Variants in STRN3 observed in about 807,000 individuals in gnomAD.
STRN3 encodes the protein striatin-3.
A neutral mutation model predicts 95.6 loss-of-function variants in STRN3; 29 were observed. The ratio of observed to expected loss-of-function variants is 0.30; its 90% CI spans 0.23 to 0.41. The LOEUF is 0.41. Ranked by LOEUF, STRN3 falls within the 10% of genes least tolerant of loss-of-function variation. STRN3 has a pLI of 1.00. For missense variants in STRN3, 890 were observed against 972.1 expected, an observed-to-expected ratio of 0.92 and a Z score of 1.12; for synonymous variants, 331 against 357.6, an observed-to-expected ratio of 0.93 and a Z score of 0.84.
chr14:30,900,450 GGGCGGTGTGTGTGTGTGTTCAGGCACAGT>G, intron 16 of STRN3, among the ~76,000 whole-genome samples: 1 of 147,720 alleles, frequency 6.8e-6, no homozygotes, highest in East Asian at 2.0e-4. Context: ...GGGCGGGGGG[GGGCGGTGTGTGTGTGTGTTCAGGCACAGT>G]GGCTTACGCC....
chr14:30,928,007 T>C (rs548211805), intron 8 of STRN3, among the ~76,000 whole-genome samples: 22 of 151,616 alleles, frequency 1.5e-4, no homozygotes, highest in African/African-American at 5.1e-4. Flanking sequence ...TAGTCAATCA[T>C]GCAAATGTAC....
chr14:30,901,636 T>A (rs1225279592), intron 16 of STRN3, among the ~76,000 whole-genome samples: 1 of 152,180 alleles, frequency 6.6e-6, no homozygotes, highest in African/African-American at 2.4e-5. Flanking sequence ...CTGTCAGACC[T>A]TTCCTGAAAG....
intron 7 of STRN3, among the ~76,000 whole-genome samples, chr14:30,929,967 A>AAAAAAAAAAAAAAAACAAAAAAC (rs1555317336): frequency 1.1e-5 from 1 of 91,120 alleles, no homozygotes; most frequent in Non-Finnish European, 2.3e-5. Flanking sequence ...AAAAAAAAAA[A>AAAAAAAAAAAAAAAACAAAAAAC]AAAAAAAAAA....
chr14:30,937,649 A>G (rs1285900646), intron 5 of STRN3, among the ~76,000 whole-genome samples: 1 of 152,186 alleles, frequency 6.6e-6, no homozygotes, highest in African/African-American at 2.4e-5. Flanking sequence ...TTTCACCATG[A>G]AAATTCTCTG....
chr14:30,903,774 G>T (rs1016961663), intron 15 of STRN3, among the ~76,000 whole-genome samples: 1 of 152,126 alleles, frequency 6.6e-6, no homozygotes, highest in Non-Finnish European at 1.5e-5. Context: ...ATATCCAACT[G>T]GTGGTGTAAC....
chr14:30,919,859 T>C (rs1226680096), intron 8 of STRN3, among the ~76,000 whole-genome samples: 1 of 152,180 alleles, frequency 6.6e-6, no homozygotes, highest in East Asian at 1.9e-4. Flanking sequence ...TGTACCATTG[T>C]GGAATATTCT....
intron 1 of STRN3, among the ~76,000 whole-genome samples, chr14:30,980,250 G>T (rs942643464): frequency 6.6e-6 from 1 of 151,854 alleles, no homozygotes; most frequent in Non-Finnish European, 1.5e-5. Flanking sequence ...GTATGGGGGC[G>T]GGGAGAATTA....
chr14:30,902,668 G>C (rs1458931688), intron 15 of STRN3, 25 bp from the exon 16 acceptor site: 2 of 1,446,894 alleles, frequency 1.4e-6, no homozygotes, highest in Non-Finnish European at 1.9e-6. Context: ...AAGACAATAA[G>C]TTAAAATTCA....
At chr14:30,935,030 C>G (rs1213630734) in intron 7 of STRN3, 133 bp downstream of exon 7, 8 of 1,205,518 alleles carry the variant, frequency 6.6e-6, no homozygotes, top group Non-Finnish European at 7.8e-6. Flanking sequence ...TGATATTATT[C>G]AAAACCACTT....
chr14:31,014,810 CTT>C, intron 1 of STRN3: 1 of 407,732 alleles, frequency 2.5e-6, no homozygotes, highest in Admixed American at 3.8e-5. Flanking sequence ...CACAAAACCA[CTT>C]TAAAAAAAAA....
chr14:30,937,256 G>C (rs1303800095), intron 5 of STRN3, among the ~76,000 whole-genome samples: 2 of 152,116 alleles, frequency 1.3e-5, no homozygotes, highest in African/African-American at 4.8e-5. Context: ...TGAGGCTGCA[G>C]TGAGCTATGA....
At chr14:30,983,453 G>A (rs1881509273) in intron 1 of STRN3, among the ~76,000 whole-genome samples, 1 of 152,232 alleles carries the variant, frequency 6.6e-6, no homozygotes, top group East Asian at 1.9e-4. Context: ...GCTGAGACGG[G>A]GGAATCGCTT....
At chr14:30,897,557 C>T (rs1376305944) in intron 16 of STRN3, among the ~76,000 whole-genome samples, 1 of 152,158 alleles carries the variant, frequency 6.6e-6, no homozygotes, top group Non-Finnish European at 1.5e-5. Flanking sequence ...TGCACTTCAG[C>T]CTGGGTGACA....
intron 3 of STRN3, among the ~76,000 whole-genome samples, chr14:30,953,191 A>ACATC (rs1274858825): frequency 6.6e-6 from 1 of 152,192 alleles, no homozygotes; most frequent in Non-Finnish European, 1.5e-5. Flanking sequence ...TTCTTGAAGT[A>ACATC]CATCAAGTGT....
At chr14:30,967,435 TA>T (rs1880584313) in intron 1 of STRN3, among the ~76,000 whole-genome samples, 1 of 152,196 alleles carries the variant, frequency 6.6e-6, no homozygotes, top group Non-Finnish European at 1.5e-5. Context: ...AGGGTAAATT[TA>T]AAACCTATAG....
intron 1 of STRN3, among the ~76,000 whole-genome samples, chr14:30,979,618 G>T (rs1323651826): frequency 1.3e-5 from 2 of 151,920 alleles, no homozygotes; most frequent in African/African-American, 4.8e-5. Context: ...ATTTATTTTT[G>T]AGATAGAGTC....
chr14:30,934,106 G>A (rs535810202), intron 7 of STRN3, among the ~76,000 whole-genome samples: 3 of 152,080 alleles, frequency 2.0e-5, no homozygotes, highest in Non-Finnish European at 4.4e-5. Context: ...CGGGCGGATC[G>A]CGATGTCAAG....
chr14:31,002,710 A>G (rs1882524096), intron 1 of STRN3, among the ~76,000 whole-genome samples: 1 of 152,082 alleles, frequency 6.6e-6, no homozygotes, highest in Admixed American at 6.5e-5. Context: ...TAAGGACACA[A>G]TGCTAAGGGA....
chr14:30,974,284 A>G (rs1329815293), intron 1 of STRN3, among the ~76,000 whole-genome samples: 1 of 152,208 alleles, frequency 6.6e-6, no homozygotes, highest in Non-Finnish European at 1.5e-5. Context: ...TACACTAACA[A>G]TGAACAATCT....
Sources: gnomAD v4.1 joint callset for allele counts (sites outside exome capture counted in the v4.1 genomes callset) on GRCh38, gnomAD v4.1.1 for gene constraint, MANE v1.5 for transcripts, NCBI Gene and HGNC (gene_info 2026-07-23, HGNC 2026-07-21) for gene names.